The following SLC10A7 variants were observed in gnomAD, a reference collection of about 807,000 sequenced individuals.
SLC10A7 encodes the protein sodium/bile acid cotransporter 7.
Under a neutral mutation model 43.2 loss-of-function variants are expected in SLC10A7, and 29 were observed. The ratio of observed to expected loss-of-function variants is 0.67; its 90% CI spans 0.50 to 0.92. SLC10A7 has a LOEUF of 0.92. Among genes scored for constraint, SLC10A7 ranks in the 40% least tolerant of loss-of-function variants. The pLI is 0.00. For synonymous variants in SLC10A7, 152 were observed against 144.8 expected (o/e 1.05, Z -0.35); for missense variants, 295 against 403.2 (o/e 0.73, Z 2.30).
intron 9 of SLC10A7, among the ~76,000 whole-genome samples, chr4:146,287,177 T>TCTGGAGTGGTGAGAAGGACTGG (rs1730082591): frequency 6.6e-6 from 1 of 151,050 alleles, no homozygotes; most frequent in Non-Finnish European, 1.5e-5. Context: ...AGAAGGACTG[T>TCTGGAGTGGTGAGAAGGACTGG]GTCTGGAGTG....
chr4:146,381,385 A>G (rs75369178), intron 5 of SLC10A7, among the ~76,000 whole-genome samples: 9,639 of 152,172 alleles, frequency 0.063, 392 homozygotes, highest in South Asian at 0.17. Flanking sequence ...CTACTCTAAC[A>G]TTGCCATGCA....
chr4:146,397,790 G>A (rs1405326933), intron 5 of SLC10A7, among the ~76,000 whole-genome samples: 2 of 152,158 alleles, frequency 1.3e-5, no homozygotes, highest in Non-Finnish European at 2.9e-5. Context: ...TAAATTTAAC[G>A]TGGCTTCAAA....
chr4:146,458,989 CAA>C (rs1452915012), intron 4 of SLC10A7, among the ~76,000 whole-genome samples: 3 of 151,356 alleles, frequency 2.0e-5, no homozygotes, highest in East Asian at 1.9e-4. Flanking sequence ...AAAAAAACTA[CAA>C]AATAGGAAAG....
At chr4:146,428,780 T>A (rs957288459) in intron 5 of SLC10A7, among the ~76,000 whole-genome samples, 2 of 152,168 alleles carry the variant, frequency 1.3e-5, no homozygotes, top group African/African-American at 4.8e-5. Flanking sequence ...TTTAAAAAAA[T>A]ACTTTCCTTT....
chr4:146,379,957 CTCTGTG>C (rs1387634062), intron 5 of SLC10A7, among the ~76,000 whole-genome samples: 9 of 143,860 alleles, frequency 6.3e-5, no homozygotes, highest in Middle Eastern at 3.4e-3. Flanking sequence ...CTCTCTCTCT[CTCTGTG>C]TGTGTGTGTG....
chr4:146,309,377 T>C (rs1731802321), intron 6 of SLC10A7, among the ~76,000 whole-genome samples: 1 of 152,130 alleles, frequency 6.6e-6, no homozygotes, highest in African/African-American at 2.4e-5. Context: ...GGTTCTCAAA[T>C]GTTAGCACAT....
chr4:146,424,521 G>A (rs1276217479), intron 5 of SLC10A7, among the ~76,000 whole-genome samples: 4 of 151,966 alleles, frequency 2.6e-5, no homozygotes, highest in South Asian at 2.1e-4. Context: ...TTAGCTGGGC[G>A]TGGTGGAGGC....
rs180802220 is a variant in SLC10A7, at chr4:146,256,386, A to G, written c.*105T>C. 2,695 of 1,096,736 alleles carry G rather than the reference A, an allele frequency of 2.5e-3. 17 individuals are homozygous for G. The highest frequency in any genetic ancestry group is 0.012 in the South Asian group (848 of 73,218). 67.9% of individuals were successfully genotyped at this position (1,096,736 alleles called of 1,614,324 possible). A position where few individuals can be genotyped will look rare whatever the true frequency, so the allele number is the denominator to read the frequency against. On this transcript the variant is annotated 3_prime_UTR_variant, in exon 12 of 12. Transcript: ENST00000335472. ...GGATCTCATATTTTTGTGTAAAAAA[A>G]TAAAATATGCATTGAGGCAACATTC...
Position 146,335,250 on chromosome 4 carries a change from G to GAAAAAAAAAAA in SLC10A7, c.436-9255_436-9254insTTTTTTTTTTT, listed in dbSNP as rs772547279. ...TCATTAAAGTGTTGCCACAGATGTT[G>GAAAAAAAAAAA]TAAAAAAAAAAAAAAAAAAAAAAAA... On this transcript the variant is annotated intron_variant, in intron 5 of 11. Transcript: ENST00000335472. Among the ~76,000 whole-genome samples the GAAAAAAAAAAA allele has an allele frequency of 1.3e-3, 94 of 70,608 alleles. 5 individuals carry two copies. Among genetic ancestry groups the GAAAAAAAAAAA allele is most frequent in the South Asian group, 4.0e-3 (6 of 1,502 alleles). 46.3% of individuals were successfully genotyped at this position (70,608 alleles called of 152,430 possible). A position where few individuals can be genotyped will look rare whatever the true frequency, so the allele number is the denominator to read the frequency against.
chr4:146,463,401 T>C (rs181405688), intron 4 of SLC10A7, among the ~76,000 whole-genome samples: 3 of 152,262 alleles, frequency 2.0e-5, no homozygotes, highest in East Asian at 3.9e-4. Flanking sequence ...AATATCAGTA[T>C]CTTACAAATG....
chr4:146,275,653 G>A (rs1337274361), intron 10 of SLC10A7, among the ~76,000 whole-genome samples: 1 of 152,142 alleles, frequency 6.6e-6, no homozygotes, highest in Non-Finnish European at 1.5e-5. Flanking sequence ...AGCAGATAAG[G>A]TATAAGCAGG....
At chr4:146,435,055 T>C (rs1173655853) in intron 5 of SLC10A7, among the ~76,000 whole-genome samples, 3 of 152,134 alleles carry the variant, frequency 2.0e-5, no homozygotes, top group South Asian at 4.1e-4. Flanking sequence ...GGCCCAGAAC[T>C]GAGCATACAG....
intron 10 of SLC10A7, among the ~76,000 whole-genome samples, chr4:146,267,891 C>T (rs1200639500): frequency 2.0e-5 from 3 of 152,146 alleles, no homozygotes; most frequent in Non-Finnish European, 2.9e-5. Flanking sequence ...GTCTGACAAA[C>T]CCCCTTTGCT....
intron 4 of SLC10A7, among the ~76,000 whole-genome samples, chr4:146,443,255 G>T (rs1027151430): frequency 6.6e-6 from 1 of 152,070 alleles, no homozygotes; most frequent in East Asian, 1.9e-4. Context: ...AGTCTTATGA[G>T]CTACAATCAC....
intron 5 of SLC10A7, among the ~76,000 whole-genome samples, chr4:146,415,379 A>ATAATAACTG (rs2149838647): frequency 6.6e-6 from 1 of 152,332 alleles, no homozygotes; most frequent in Admixed American, 6.5e-5. Flanking sequence ...AATGGCAAAA[A>ATAATAACTG]TAATAACTGC....
chr4:146,435,567 G>A (rs1276505119), intron 5 of SLC10A7, among the ~76,000 whole-genome samples: 4 of 152,160 alleles, frequency 2.6e-5, no homozygotes, highest in Middle Eastern at 3.4e-3. Context: ...AATCTTAATC[G>A]TTTGGCTCAC....
intron 3 of SLC10A7, among the ~76,000 whole-genome samples, chr4:146,506,052 T>C (rs1448329388): frequency 6.6e-6 from 1 of 152,146 alleles, no homozygotes; most frequent in Non-Finnish European, 1.5e-5. Flanking sequence ...CTACCCCCAA[T>C]ACTAGGACAG....
intron 5 of SLC10A7, among the ~76,000 whole-genome samples, chr4:146,342,637 T>A (rs1336076328): frequency 6.6e-6 from 1 of 151,764 alleles, no homozygotes; most frequent in Non-Finnish European, 1.5e-5. Context: ...CTTAAATTTT[T>A]CAATAAAGCA....
chr4:146,304,282 A>G (rs977259580), intron 7 of SLC10A7, among the ~76,000 whole-genome samples: 15 of 151,618 alleles, frequency 9.9e-5, no homozygotes, highest in African/African-American at 3.4e-4. Flanking sequence ...GAGTCTATAA[A>G]GACACCAACC....
Sources: allele counts gnomAD v4.1 joint callset (sites outside exome capture counted in the v4.1 genomes callset), GRCh38; gene constraint gnomAD v4.1.1; transcripts MANE v1.5; gene names NCBI Gene and HGNC (gene_info 2026-07-23, HGNC 2026-07-21).